EFR3B: variants seen among roughly 807,000 people sequenced by gnomAD.
EFR3B encodes the protein EFR3 homolog B.
A neutral mutation model predicts 104.7 loss-of-function variants in EFR3B; 64 were observed. The observed-to-expected ratio is 0.61, with a 90% CI of 0.50 to 0.75. The LOEUF is 0.75. Ranked by LOEUF, EFR3B falls within the 30% of genes least tolerant of loss-of-function variation. The probability of loss-of-function intolerance (pLI) is 0.00; values close to 1 mark genes in which losing one functional copy is unlikely to be tolerated. For missense variants in EFR3B, 750 were observed against 1,078.5 expected (o/e 0.70, Z 4.27); for synonymous variants, 385 against 417.9 (o/e 0.92, Z 0.96).
intron 1 of EFR3B, among the ~76,000 whole-genome samples, chr2:25,084,361 C>T (rs1415609579): frequency 2.0e-5 from 3 of 151,976 alleles, no homozygotes; most frequent in Admixed American, 6.6e-5. Flanking sequence ...CTCCGCCTCC[C>T]GAATAGCTGG....
rs1281724721 is a variant in EFR3B, at chr2:25,139,107, G to T, written c.1771G>T (p.Ala591Ser). The change falls in exon 16 of 23, where the codon GCC becomes TCC. Residue 591 changes from alanine to serine, a missense_variant. Transcript: ENST00000403714. ...GAACTTGCCTGTCTACAACCGCTGTGCCCTCTATGCTCTGGGCGCAGCCTA... is the reference window on the plus strand; with the variant it reads ...GAACTTGCCTGTCTACAACCGCTGTTCCCTCTATGCTCTGGGCGCAGCCTA... ...EENLPVYNRCALYALGAAYLN... is the reference protein window; with the variant it reads ...EENLPVYNRCSLYALGAAYLN... 1 of 1,551,636 alleles carries T rather than the reference G, an allele frequency of 6.4e-7. No individual in the cohort carries two copies. The highest frequency in any genetic ancestry group is 8.7e-7 in the Non-Finnish European group (1 of 1,147,000).
chr2:25,073,519 G>A (rs1274685843), intron 1 of EFR3B, among the ~76,000 whole-genome samples: 1 of 151,964 alleles, frequency 6.6e-6, no homozygotes, highest in African/African-American at 2.4e-5. Context: ...CACCATGCCT[G>A]GCTAATTTTT....
intron 6 of EFR3B, among the ~76,000 whole-genome samples, chr2:25,128,824 G>A (rs10170104): frequency 6.6e-6 from 1 of 151,376 alleles, no homozygotes; most frequent in Non-Finnish European, 1.5e-5. Context: ...TTAGCTGAGC[G>A]TGGTGGCGGG....
intron 1 of EFR3B, among the ~76,000 whole-genome samples, chr2:25,085,585 C>G (rs554538311): frequency 6.6e-6 from 1 of 152,280 alleles, no homozygotes; most frequent in African/African-American, 2.4e-5. Flanking sequence ...CTGCCTCAGT[C>G]TCCCAAGTAG....
At position 25,080,388 on chromosome 2, in the gene EFR3B, A is replaced by G. The variant is rs568673130; in HGVS notation, c.8-10937A>G. On this transcript the variant is annotated intron_variant, in intron 1 of 22. Transcript: ENST00000403714. ...CGGCTCACTGCAACCTCCGCCTCCC[A>G]TGTTCGAGCGATTCTGCTGCCTCAG... 68 of 509,224 alleles carry G rather than the reference A, an allele frequency of 1.3e-4. No homozygotes were observed. The East Asian group carries it at 2.3e-3, about 17-fold the overall frequency. The allele number at this position is 509,224 out of a possible 1,614,324, so 31.5% of individuals were successfully genotyped here. A position where few individuals can be genotyped will look rare whatever the true frequency, so the allele number is the denominator to read the frequency against.
chr2:25,042,642 A>G lies in EFR3B; in HGVS notation c.7+323A>G. The G allele has an allele frequency of 8.9e-7, 1 of 1,127,710 alleles. No individual in the cohort carries two copies. The highest frequency in any genetic ancestry group is 1.1e-6 in the Non-Finnish European group (1 of 921,834). The allele number at this position is 1,127,710 out of a possible 1,614,324, so 69.9% of individuals were successfully genotyped here. The stretch of plus-strand genomic sequence containing the variant: ...GTGCTGGAGGAGGTGGTCGTGTGGC[A>G]GCATTTGCGGAATTAACAAAAGCGG... On this transcript the variant is annotated intron_variant, in intron 1 of 22. Coordinates refer to ENST00000403714, the MANE Select transcript of EFR3B (RefSeq NM_014971.2). The surrounding 1 kb of genome is among the most constrained non-coding windows in gnomAD (Gnocchi z 5.4).
intron 1 of EFR3B, among the ~76,000 whole-genome samples, chr2:25,074,449 C>T (rs1668578842): frequency 6.6e-6 from 1 of 151,900 alleles, no homozygotes; most frequent in African/African-American, 2.4e-5. Context: ...CCTGTAATCC[C>T]AGCTACTCAG....
At chr2:25,080,325 GC>G in intron 1 of EFR3B, 1 of 416,896 alleles carries the variant, frequency 2.4e-6, no homozygotes, top group Non-Finnish European at 3.4e-6. Flanking sequence ...ATGGAGTTTT[GC>G]TCTTGTCGTC....
intron 3 of EFR3B, among the ~76,000 whole-genome samples, chr2:25,097,348 A>G (rs531341917): frequency 5.3e-5 from 8 of 152,194 alleles, no homozygotes; most frequent in Non-Finnish European, 8.8e-5. Flanking sequence ...TCCGTACCCA[A>G]CGCCACATAC....
intron 18 of EFR3B, among the ~76,000 whole-genome samples, chr2:25,144,724 C>T (rs11674047): frequency 0.21 from 31,849 of 152,130 alleles, 4,308 homozygotes; most frequent in Non-Finnish European, 0.32. Context: ...TTTGTGTTCT[C>T]GTTGACGATT....
intron 1 of EFR3B, chr2:25,080,178 C>A: frequency 6.5e-7 from 1 of 1,530,454 alleles, no homozygotes; most frequent in East Asian, 2.3e-5. Flanking sequence ...TCAGAATAGC[C>A]AGTACCTTTT....
chr2:25,128,225 G>C lies in EFR3B; in HGVS notation c.528G>C (p.Arg176Ser). The change falls in exon 6 of 23, where the codon AGG becomes AGC. Residue 176 changes from arginine to serine, a missense_variant. Transcript: ENST00000403714. ...SGIKGLQGVV[R>S]KTVNDELQAN... ...TCAAAGGCCTGCAAGGGGTGGTGAG[G>C]AAGACGGTGAATGATGAACTGCAGG... The C allele has an allele frequency of 6.4e-7, 1 of 1,551,748 alleles. No individual in the cohort carries two copies. Among genetic ancestry groups the C allele is most frequent in the East Asian group, 2.4e-5 (1 of 40,922 alleles).
Position 25,136,746 on chromosome 2 carries a change from T to C in EFR3B, c.1560+148T>C. ...GCCAGACCAACATGGTAAAATCCCA[T>C]CTTTACTAAAGCTACAAAAATTAAC... On this transcript the variant is annotated intron_variant, in intron 14 of 22. Transcript: ENST00000403714. This position sits in a 1 kb window ranked among gnomAD's most constrained non-coding sequence, Gnocchi z 4.0. 1.5e-6 allele frequency: 1 copy of C among 665,178 alleles called. No homozygotes were observed. The highest frequency in any genetic ancestry group is 1.9e-5 in the South Asian group (1 of 53,878). 41.2% of individuals were successfully genotyped at this position (665,178 alleles called of 1,614,324 possible).
At chr2:25,087,037 G>A (rs1168078060) in intron 1 of EFR3B, among the ~76,000 whole-genome samples, 1 of 152,158 alleles carries the variant, frequency 6.6e-6, no homozygotes, top group African/African-American at 2.4e-5. Context: ...GCATGGCTGG[G>A]GAGGCCTCAG....
rs1433364992 is a variant in EFR3B, at chr2:25,092,973, A to G, written c.85-30A>G. 15 of 1,539,978 alleles carry G rather than the reference A, an allele frequency of 9.7e-6. No homozygotes were observed. The East Asian group carries it at 1.2e-4, about 13-fold the overall frequency. ...GAACTCGTCTAGCCATAGTGTGGCCATAGTGAGCACAAGCTGTTTTCTCCT... is the reference window on the plus strand; with the variant it reads ...GAACTCGTCTAGCCATAGTGTGGCCGTAGTGAGCACAAGCTGTTTTCTCCT... On this transcript the variant is annotated intron_variant, in intron 2 of 22. Coordinates refer to ENST00000403714, the MANE Select transcript of EFR3B (RefSeq NM_014971.2).
Position 25,137,195 on chromosome 2 carries a change from G to A in EFR3B, c.1561-146G>A. On this transcript the variant is annotated intron_variant, in intron 14 of 22. Coordinates refer to ENST00000403714, the MANE Select transcript of EFR3B (RefSeq NM_014971.2). This position sits in a 1 kb window ranked among gnomAD's most constrained non-coding sequence, Gnocchi z 4.7. The stretch of plus-strand genomic sequence containing the variant: ...CCTGTGTGTGTCTGCTTCTGCCAGA[G>A]CCCGCTTTAAAGGCATCCCCTCCCC... 1 of 872,572 alleles carries A rather than the reference G, an allele frequency of 1.1e-6. No individual in the cohort carries two copies. Among genetic ancestry groups the A allele is most frequent in the South Asian group, 1.7e-5 (1 of 58,574 alleles). 54.1% of individuals were successfully genotyped at this position (872,572 alleles called of 1,614,324 possible).
chr2:25,081,334 C>T (rs1397154685), intron 1 of EFR3B: 1 of 895,196 alleles, frequency 1.1e-6, no homozygotes, highest in East Asian at 2.4e-5. Context: ...GAACCTGCTT[C>T]TTACTACTTG....
At chr2:25,053,828 A>G (rs866975659) in intron 1 of EFR3B, among the ~76,000 whole-genome samples, 4 of 152,336 alleles carry the variant, frequency 2.6e-5, no homozygotes, top group South Asian at 2.1e-4. Context: ...AATCGCTTGA[A>G]TCTGGGAGGC....
chr2:25,080,823 T>C, intron 1 of EFR3B: 1 of 923,118 alleles, frequency 1.1e-6, no homozygotes, highest in South Asian at 1.3e-5. Context: ...ATCTGAATCT[T>C]CACCATTGGA....
Sources: gnomAD v4.1 joint callset for allele counts (sites outside exome capture counted in the v4.1 genomes callset) on GRCh38, gnomAD v4.1.1 for gene constraint, Gnocchi (gnomAD v3.1) non-coding constraint, MANE v1.5 for transcripts, NCBI Gene and HGNC (gene_info 2026-07-23, HGNC 2026-07-21) for gene names.